The following KCNJ18 variants were observed in gnomAD, a reference collection of about 807,000 sequenced individuals.
KCNJ18 encodes inward rectifier potassium channel 18.
In KCNJ18, 16 loss-of-function variants were observed where a neutral mutation model predicts 17.3. That is an observed-to-expected ratio of 0.92 (90% CI 0.62 to 1.40). The LOEUF (loss-of-function observed/expected upper bound fraction) is 1.40. Among genes scored for constraint, KCNJ18 ranks in the 40% most tolerant of loss-of-function variants. The pLI, the probability that KCNJ18 is intolerant of heterozygous loss-of-function variation, is 0.00. For synonymous variants in KCNJ18, 185 were observed against 262.6 expected (o/e 0.70, Z 2.86); for missense variants, 462 against 626.8 (o/e 0.74, Z 2.81).
intron 2 of KCNJ18, among the ~76,000 whole-genome samples, chr17:21,697,208 G>T (rs1302890082): frequency 6.6e-6 from 1 of 152,310 alleles, no homozygotes; most frequent in Admixed American, 6.5e-5. Context: ...TGAGACAGGT[G>T]GGCCTGAGGT....
At chr17:21,702,557 G>A (rs1472193122) in intron 2 of KCNJ18, among the ~76,000 whole-genome samples, 174 bp from the exon 3 acceptor site, 6 of 152,352 alleles carry the variant, frequency 3.9e-5, no homozygotes, top group Non-Finnish European at 8.8e-5. Flanking sequence ...CCCGAAGGGG[G>A]TGGCCACTCG....
chr17:21,696,674 G>A (rs1204950298), intron 2 of KCNJ18, among the ~76,000 whole-genome samples: 2 of 152,358 alleles, frequency 1.3e-5, no homozygotes, highest in East Asian at 3.9e-4. Flanking sequence ...GAAAAGCCCA[G>A]TGCTAGAGGA....
In KCNJ18 at chr17:21,703,035, G is replaced by A; in HGVS notation, c.249G>A (p.Met83Ile). Residue 83 changes from methionine to isoleucine, a missense_variant, in exon 3 of 3, where the codon ATG (methionine) becomes ATA (isoleucine). Met to Ile is a conservative substitution (Grantham distance 10). Around this residue, in one of 5 missense-constraint regions of KCNJ18, gnomAD observed 237 missense variants for 259.4 expected, o/e 0.91. Coordinates refer to ENST00000567955, the MANE Select transcript of KCNJ18 (RefSeq NM_001194958.2). ...GTGTGGACATCCGCTGGCGCTACAT[G>A]CTGCTCATCTTCTCGCTGGCCTTCC... The part of the protein sequence containing the change: ...TTCVDIRWRY[M>I]LLIFSLAFLA... 1.2e-6 allele frequency: 2 copies of A among 1,613,330 alleles called. No homozygotes were observed. The highest frequency in any genetic ancestry group is 1.7e-6 in the Non-Finnish European group (2 of 1,179,896).
intron 2 of KCNJ18, among the ~76,000 whole-genome samples, chr17:21,700,833 G>A (rs1905923688): frequency 9.7e-6 from 1 of 103,532 alleles, no homozygotes; most frequent in Admixed American, 1.1e-4. Context: ...TCACAGTGGT[G>A]CCATCCCCCC....
chr17:21,700,093 G>T lies in KCNJ18; in HGVS notation c.-56-2638G>T, dbSNP rs1205804391. Among the ~76,000 whole-genome samples, 6 of 152,374 alleles carry T rather than the reference G, an allele frequency of 3.9e-5. No homozygotes were observed. In the South Asian group the frequency reaches 1.0e-3, roughly 26 times the overall value. On this transcript the variant is annotated intron_variant, in intron 2 of 2. Coordinates refer to ENST00000567955, the MANE Select transcript of KCNJ18 (RefSeq NM_001194958.2). ...GCCCCTTTCCCAGCACAGCCTCAGG[G>T]GTCCCCCCTGCCGCCAGCTCCCTAC... is the stretch of plus-strand genomic sequence containing the variant.
chr17:21,693,745 T>A, intron 1 of KCNJ18, among the ~76,000 whole-genome samples: 1 of 152,286 alleles, frequency 6.6e-6, no homozygotes. Flanking sequence ...AGCTGTTTGA[T>A]GTTGGCTTGT....
At chr17:21,696,201 T>C (rs1481940374) in intron 2 of KCNJ18, 97 bp downstream of exon 2, 16 of 152,008 alleles carry the variant, frequency 1.1e-4, no homozygotes, top group African/African-American at 3.9e-4. Context: ...CACCATGCCA[T>C]CCTTTCATCA....
chr17:21,694,962 C>A (rs1905711459), intron 1 of KCNJ18, among the ~76,000 whole-genome samples: 1 of 152,064 alleles, frequency 6.6e-6, no homozygotes, highest in Admixed American at 6.6e-5. Context: ...CATCCATCCA[C>A]CCAATCATCT....
chr17:21,700,723 C>A lies in KCNJ18; in HGVS notation c.-56-2008C>A, dbSNP rs1324838602. Among the ~76,000 whole-genome samples, 2 of 84,426 alleles carry A rather than the reference C, an allele frequency of 2.4e-5. 1 individual carries two copies. The highest frequency in any genetic ancestry group is 4.7e-5 in the Non-Finnish European group (2 of 42,350). The allele number at this position is 84,426 out of a possible 152,430, so 55.4% of individuals were successfully genotyped here. A position where few individuals can be genotyped will look rare whatever the true frequency, so the allele number is the denominator to read the frequency against. ...CCTATGGGACTGGGACAAGTCCATTCTGGCTTCTGGGCCTCCAGGTCCTTG... is the reference window on the plus strand; with the variant it reads ...CCTATGGGACTGGGACAAGTCCATTATGGCTTCTGGGCCTCCAGGTCCTTG... On this transcript the variant is annotated intron_variant, in intron 2 of 2. Transcript: ENST00000567955.
chr17:21,701,750 A>G (rs1905960289), intron 2 of KCNJ18, among the ~76,000 whole-genome samples: 1 of 152,272 alleles, frequency 6.6e-6, no homozygotes, highest in Non-Finnish European at 1.5e-5. Context: ...GTCTCTACTT[A>G]AAATACAAAA....
At chr17:21,701,359 C>T in intron 2 of KCNJ18, among the ~76,000 whole-genome samples, 1 of 152,420 alleles carries the variant, frequency 6.6e-6, no homozygotes, top group Admixed American at 6.5e-5. Flanking sequence ...CACCCCTGAG[C>T]ACTGCCCAGG....
rs1330247909 is a variant in KCNJ18, at chr17:21,702,919, C to T, written c.133C>T (p.Arg45Cys). The stretch of plus-strand genomic sequence containing the variant: ...GCACACGCGGCGCAGGTGCCGCAAC[C>T]GCTTCGTCAAGAAGAATGGCCAGTG... ...KVHTRRRCRN[R>C]FVKKNGQCNI... Residue 45 changes from arginine (R) to cysteine (C), a missense_variant, in exon 3 of 3, where the codon CGC becomes TGC. Physicochemically the swap from Arg to Cys is radical, Grantham distance 180 (BLOSUM62 -3). Coordinates refer to ENST00000567955, the MANE Select transcript of KCNJ18 (RefSeq NM_001194958.2). 72 of 1,593,012 alleles carry T rather than the reference C, an allele frequency of 4.5e-5. No individual in the cohort carries two copies. In the African/African-American group the frequency reaches 6.2e-4, roughly 14 times the overall value.
Position 21,703,072 on chromosome 17 carries a change from C to A in KCNJ18, c.286C>A (p.Leu96Met), listed in dbSNP as rs1906022953. 1.1e-5 allele frequency: 17 copies of A among 1,613,164 alleles called. No individual in the cohort carries two copies. In the Admixed American group the frequency reaches 2.5e-4, roughly 24 times the overall value. The stretch of plus-strand genomic sequence containing the variant: ...CTCGCTGGCCTTCCTTGCCTCCTGG[C>A]TGCTGTTCGGCGTCATCTTCTGGGT... The part of the protein sequence containing the change: ...IFSLAFLASW[L>M]LFGVIFWVIA... The change falls in exon 3 of 3, where the codon CTG becomes ATG. Residue 96 changes from leucine to methionine, a missense_variant. Coordinates refer to ENST00000567955, the MANE Select transcript of KCNJ18 (RefSeq NM_001194958.2).
At position 21,702,780 on chromosome 17, in the gene KCNJ18, C is replaced by T. The variant is rs1282960415; in HGVS notation, c.-7C>T. The stretch of plus-strand genomic sequence containing the variant: ...TGGGGGTGAGCCAGGGTCCCCCAAC[C>T]CCCGGGATGACCGCGGCCAGCCGGG... On this transcript the variant is annotated 5_prime_UTR_variant, in exon 3 of 3. Transcript: ENST00000567955. 2.5e-6 allele frequency: 4 copies of T among 1,578,212 alleles called. No individual in the cohort carries two copies. The highest frequency in any genetic ancestry group is 3.4e-6 in the Non-Finnish European group (4 of 1,170,212).
At chr17:21,702,703 G>C (rs1429971416) in intron 2 of KCNJ18, 28 bp from the exon 3 acceptor site, 32 of 1,467,690 alleles carry the variant, frequency 2.2e-5, no homozygotes, top group Non-Finnish European at 2.9e-5. Context: ...CACCAGCCCA[G>C]CCAGACATGC....
intron 2 of KCNJ18, among the ~76,000 whole-genome samples, chr17:21,699,954 C>T (rs1358638287): frequency 6.6e-6 from 1 of 152,130 alleles, no homozygotes; most frequent in Non-Finnish European, 1.5e-5. Flanking sequence ...GGAAGTCCCT[C>T]AAGGCCCCTG....
rs1428750658 is a variant in KCNJ18, at chr17:21,704,444, G to A, written c.*356G>A. ...CTGCTGTCCAAGGCTGGCTAGCTGC[G>A]GTGCTCCTTGCTGGTTTTTAACTTG... On this transcript the variant is annotated 3_prime_UTR_variant, in exon 3 of 3. Transcript: ENST00000567955. 2.3e-5 allele frequency: 6 copies of A among 264,250 alleles called. No homozygotes were observed. The highest frequency in any genetic ancestry group is 4.4e-5 in the African/African-American group (2 of 44,984). 16.4% of individuals were successfully genotyped at this position (264,250 alleles called of 1,614,324 possible). A position where few individuals can be genotyped will look rare whatever the true frequency, so the allele number is the denominator to read the frequency against.
intron 1 of KCNJ18, among the ~76,000 whole-genome samples, 163 bp from the exon 2 acceptor site, chr17:21,695,820 G>A (rs1221737491): frequency 1.1e-3 from 172 of 152,394 alleles, no homozygotes; most frequent in African/African-American, 3.9e-3. Context: ...ATGCTGTGAA[G>A]GTGTGGGGCA....
At chr17:21,700,095 T>TC (rs1267837733) in intron 2 of KCNJ18, among the ~76,000 whole-genome samples, 1 of 152,108 alleles carries the variant, frequency 6.6e-6, no homozygotes, top group Non-Finnish European at 1.5e-5. Flanking sequence ...GCCTCAGGGG[T>TC]CCCCCCTGCC....
Sources: allele counts gnomAD v4.1 joint callset (sites outside exome capture counted in the v4.1 genomes callset), GRCh38; gene constraint gnomAD v4.1.1; regional missense constraint gnomAD v4.1.1; transcripts MANE v1.5; gene names NCBI Gene and HGNC (gene_info 2026-07-23, HGNC 2026-07-21).